PAF1: variants seen among roughly 807,000 people sequenced by gnomAD.
PAF1 encodes the protein RNA polymerase II-associated factor 1 homolog.
In PAF1, 31 loss-of-function variants were observed where a neutral mutation model predicts 68.4. The ratio of observed to expected loss-of-function variants is 0.45; its 90% CI spans 0.34 to 0.61. The LOEUF (loss-of-function observed/expected upper bound fraction) is 0.61. PAF1 is among the 20% of genes least tolerant of loss of function. The pLI is 0.01. For missense variants in PAF1, 435 were observed against 692.9 expected (o/e 0.63, Z 4.18); for synonymous variants, 256 against 240.5 (o/e 1.06, Z -0.60).
At position 39,390,155 on chromosome 19, in the gene PAF1, T is replaced by A. The variant is rs748604084; in HGVS notation, c.84A>T (p.Gly28=). 2.5e-6 allele frequency: 4 copies of A among 1,613,760 alleles called. No homozygotes were observed. The East Asian group carries it at 8.9e-5, about 36-fold the overall frequency. ...TGCAGTACTTGACTCGGCAGACCAC[T>A]CCAGACCTAGGAACATTAGTGGCTC... is the stretch of plus-strand genomic sequence containing the variant. ...NSHRTLPERS[G]VVCRVKYCNS... is the part of the protein sequence containing the mutation. The change falls in exon 3 of 14, where the codon GGA becomes GGT. Residue 28 remains glycine, a synonymous_variant. Transcript: ENST00000221265.
In PAF1 at chr19:39,385,671, GA is replaced by G. The variant is rs961330342; in HGVS notation, c.*319del. On this transcript the variant is annotated 3_prime_UTR_variant, in exon 14 of 14. Transcript: ENST00000221265. ...TGTTTAATGGTCTGGGCTTATTTTGGAAAAAAAAAAAACAAACAAAAAAAAC... is the reference window on the plus strand; with the variant it reads ...TGTTTAATGGTCTGGGCTTATTTTGGAAAAAAAAAAACAAACAAAAAAAAC... 4,552 of 428,304 alleles carry G rather than the reference GA, an allele frequency of 0.011. No individual in the cohort carries two copies. The highest frequency in any genetic ancestry group is 0.023 in the South Asian group (639 of 28,156). 26.5% of individuals were successfully genotyped at this position (428,304 alleles called of 1,614,324 possible).
chr19:39,389,098 T>G lies in PAF1; in HGVS notation c.562A>C (p.Lys188Gln). 6.2e-7 allele frequency: 1 copy of G among 1,613,624 alleles called. No homozygotes were observed. The highest frequency in any genetic ancestry group is 1.1e-5 in the South Asian group (1 of 91,076). The change falls in exon 7 of 14, where the codon AAA becomes CAA. Residue 188 changes from lysine to glutamine, a missense_variant. Lys to Gln is a moderately conservative substitution (Grantham distance 53). Around this residue, in one of 7 missense-constraint regions of PAF1, gnomAD observed 151 missense variants for 306.3 expected, o/e 0.49. Transcript: ENST00000221265. This position sits in a 1 kb window ranked among gnomAD's most constrained non-coding sequence, Gnocchi z 5.3. Reference protein sequence around the residue: ...AIEKTFEDAQKSISQHYSKPR... With the variant: ...AIEKTFEDAQQSISQHYSKPR... ...CATCCCAGTCCCTCAATTACTGATT[T>G]CTGGGCATCCTCAAAAGTCTTCTCA...
chr19:39,390,390 ATGC>A (rs2078353535), intron 1 of PAF1, 101 bp from the exon 2 acceptor site: 1 of 1,130,006 alleles, frequency 8.8e-7, no homozygotes, highest in Non-Finnish European at 1.3e-6. Context: ...GGGGTGACAA[ATGC>A]TGGTTTCTTT....
Position 39,390,275 on chromosome 19 carries a change from C to T in PAF1, c.62G>A (p.Arg21Gln), listed in dbSNP as rs1233362615. Residue 21 changes from arginine (R) to glutamine (Q), a missense_variant, in exon 2 of 14, where the codon CGG becomes CAG. By Grantham distance (43) the Arg-to-Gln change is conservative. Coordinates refer to ENST00000221265, the MANE Select transcript of PAF1 (RefSeq NM_019088.4). ...TGGGGCTCACCTCTCAGGCAGAGTC[C>T]GGTGGGAATTGGGCCTAGTGGAGAA... Reference protein sequence around the residue: ...REDGHRPNSHRTLPERSGVVC... With the variant: ...REDGHRPNSHQTLPERSGVVC... The T allele has an allele frequency of 1.9e-6, 3 of 1,613,128 alleles. No homozygotes were observed. The highest frequency in any genetic ancestry group is 2.7e-5 in the African/African-American group (2 of 74,872).
chr19:39,390,666 G>A, intron 1 of PAF1, 152 bp downstream of exon 1: 1 of 792,478 alleles, frequency 1.3e-6, no homozygotes, highest in Non-Finnish European at 2.1e-6. Context: ...CGGGGAGGAG[G>A]GGAACACCTG....
chr19:39,390,963 C>T lies in PAF1; in HGVS notation c.-99G>A, dbSNP rs749121795. The T allele has an allele frequency of 1.8e-4, 223 of 1,229,268 alleles. No homozygotes were observed. The highest frequency in any genetic ancestry group is 2.3e-4 in the Non-Finnish European group (207 of 882,266). The allele number at this position is 1,229,268 out of a possible 1,614,324, so 76.1% of individuals were successfully genotyped here. A position where few individuals can be genotyped will look rare whatever the true frequency, so the allele number is the denominator to read the frequency against. On this transcript the variant is annotated 5_prime_UTR_variant, in exon 1 of 14. Coordinates refer to ENST00000221265, the MANE Select transcript of PAF1 (RefSeq NM_019088.4). ...CAGGGGACGCCTGATCCGAGGAAGGCCCAGCTTGGCGCCGCTCCCCGCGGA... is the reference window on the plus strand; with the variant it reads ...CAGGGGACGCCTGATCCGAGGAAGGTCCAGCTTGGCGCCGCTCCCCGCGGA...
At chr19:39,387,895 T>C (rs1184153827) in intron 11 of PAF1, among the ~76,000 whole-genome samples, 1 of 152,162 alleles carries the variant, frequency 6.6e-6, no homozygotes, top group Non-Finnish European at 1.5e-5. Flanking sequence ...CCCAGCACTT[T>C]GGGAGGCCGA....
Position 39,388,992 on chromosome 19 carries a change from G to A in PAF1, c.591C>T (p.Pro197=). ...GCATGACCTCCACCGGTGTGACTCG[G>A]GGTTTGCTGTAATGCTGTGAGATCT... is the stretch of plus-strand genomic sequence containing the variant. ...QKSISQHYSK[P]RVTPVEVMPV... The change falls in exon 8 of 14, where the codon CCC becomes CCT. Residue 197 remains proline (P), a synonymous_variant. Transcript: ENST00000221265. 6.2e-7 allele frequency: 1 copy of A among 1,614,168 alleles called. No individual in the cohort carries two copies. Among genetic ancestry groups the A allele is most frequent in the Non-Finnish European group, 8.5e-7 (1 of 1,180,022 alleles).
In PAF1 at chr19:39,386,135, G is replaced by A. The variant is rs777296344; in HGVS notation, c.1452C>T (p.Ser484=). Residue 484 remains serine, a synonymous_variant, in exon 14 of 14, where the codon AGC becomes AGT. Coordinates refer to ENST00000221265, the MANE Select transcript of PAF1 (RefSeq NM_019088.4). This position sits in a 1 kb window ranked among gnomAD's most constrained non-coding sequence, Gnocchi z 6.1. The part of the protein sequence containing the change: ...AQGGSDNDSD[S]GSNGGGQRSR... ...TCCGCTGGCCACCCCCATTGCTGCC[G>A]CTGTCTGAATCATTGTCACTGCCAC... 100 of 1,613,956 alleles carry A rather than the reference G, an allele frequency of 6.2e-5. No individual in the cohort carries two copies. Among genetic ancestry groups the A allele is most frequent in the East Asian group, 1.8e-4 (8 of 44,898 alleles).
chr19:39,387,066 G>A (rs1356277701), intron 11 of PAF1: 3 of 548,310 alleles, frequency 5.5e-6, no homozygotes, highest in African/African-American at 3.8e-5. Flanking sequence ...TACGGGCATG[G>A]GCCATTTAAC....
At position 39,389,467 on chromosome 19, in the gene PAF1, G is replaced by A. The variant is rs1568374826; in HGVS notation, c.359+13C>T. 1.2e-6 allele frequency: 2 copies of A among 1,613,830 alleles called. No individual in the cohort carries two copies. Among genetic ancestry groups the A allele is most frequent in the Non-Finnish European group, 1.7e-6 (2 of 1,179,732 alleles). The stretch of plus-strand genomic sequence containing the variant: ...CTGAGCCAGTCTCCAGTACCCATTT[G>A]CTACCCACTCACCTCTTGGAGCTGG... On this transcript the variant is annotated intron_variant, in intron 5 of 13. Coordinates refer to ENST00000221265, the MANE Select transcript of PAF1 (RefSeq NM_019088.4). The surrounding 1 kb of genome is among the most constrained non-coding windows in gnomAD (Gnocchi z 5.3).
rs2078306739 is a variant in PAF1, at chr19:39,388,673, G to A, written c.744C>T (p.Gly248=). 6.2e-7 allele frequency: 1 copy of A among 1,613,618 alleles called. No homozygotes were observed. The highest frequency in any genetic ancestry group is 1.1e-5 in the South Asian group (1 of 91,082). The change falls in exon 10 of 14, where the codon GGC becomes GGT. Residue 248 remains glycine, a synonymous_variant. Transcript: ENST00000221265. ...ACTGGTTCCCTTCCTCATCCATCAT[G>A]CCCCTGGTTGGGGGAAAAGGAGTAG... ...LEMMSQAMIR[G]MMDEEGNQFV...
Position 39,385,941 on chromosome 19 carries a change from T to C in PAF1, c.*50A>G. 2.5e-6 allele frequency: 4 copies of C among 1,605,408 alleles called. No individual in the cohort carries two copies. The highest frequency in any genetic ancestry group is 3.4e-6 in the Non-Finnish European group (4 of 1,177,598). On this transcript the variant is annotated 3_prime_UTR_variant, in exon 14 of 14. Transcript: ENST00000221265. ...CACAAACAGACCACTAGAAAAGTGC[T>C]TTGCTGCTCACAATAATGGTGTCTG...
intron 11 of PAF1, among the ~76,000 whole-genome samples, chr19:39,388,096 ACAC>A (rs1384716754): frequency 6.6e-6 from 1 of 152,204 alleles, no homozygotes; most frequent in Admixed American, 6.5e-5. Context: ...GGCTGAGATC[ACAC>A]CACTGCACTC....
Position 39,388,754 on chromosome 19 carries a change from C to T in PAF1, c.740+8G>A. On this transcript the variant is annotated splice_region_variant and intron_variant, in intron 9 of 13. Transcript: ENST00000221265. The stretch of plus-strand genomic sequence containing the variant: ...GAGCAGGCCAAGGTGGACAGCAGGA[C>T]CACCTACCTAATCATGGCCTGAGAC... The T allele has an allele frequency of 1.9e-6, 3 of 1,611,896 alleles. No individual in the cohort carries two copies. Among genetic ancestry groups the T allele is most frequent in the Non-Finnish European group, 2.5e-6 (3 of 1,177,926 alleles).
At chr19:39,387,154 C>A in intron 11 of PAF1, 2 of 428,860 alleles carry the variant, frequency 4.7e-6, no homozygotes, top group Non-Finnish European at 4.5e-6. Context: ...TAGCCTACTA[C>A]ATACCTAGGC....
rs1281558771 is a variant in PAF1, at chr19:39,390,890, C to G, written c.-26G>C. Reference sequence around the variant, plus strand: ...AGCGACGAGGCGACGGCAGCCCGGACGGGGTCCTAGCGGGACCGAAGGGGG... The same window carrying G: ...AGCGACGAGGCGACGGCAGCCCGGAGGGGGTCCTAGCGGGACCGAAGGGGG... On this transcript the variant is annotated 5_prime_UTR_variant, in exon 1 of 14. Transcript: ENST00000221265. 1 of 1,568,624 alleles carries G rather than the reference C, an allele frequency of 6.4e-7. No individual in the cohort carries two copies. Among genetic ancestry groups the G allele is most frequent in the East Asian group, 2.4e-5 (1 of 42,482 alleles).
rs1356339902 is a variant in PAF1 at position 39,385,896 on chromosome 19, GAACA to G, written c.*91_*94del. The G allele has an allele frequency of 2.6e-6, 4 of 1,535,780 alleles. No individual in the cohort carries two copies. Among genetic ancestry groups the G allele is most frequent in the Middle Eastern group, 1.7e-4 (1 of 5,924 alleles). On this transcript the variant is annotated 3_prime_UTR_variant, in exon 14 of 14. Coordinates refer to ENST00000221265, the MANE Select transcript of PAF1 (RefSeq NM_019088.4). The stretch of plus-strand genomic sequence containing the variant: ...TTAACAGCAAAGGTTTGGGGGTGGG[GAACA>G]AACAAGTGAAAGGCTCACAAACAGA...
At chr19:39,390,561 A>G (rs1257994099) in intron 1 of PAF1, among the ~76,000 whole-genome samples, 3 of 152,156 alleles carry the variant, frequency 2.0e-5, no homozygotes, top group African/African-American at 4.8e-5. Context: ...AGAACCATGT[A>G]CTCAATCGTC....
Sources: gnomAD v4.1 joint callset for allele counts (sites outside exome capture counted in the v4.1 genomes callset) on GRCh38, gnomAD v4.1.1 for gene constraint, gnomAD v4.1.1 regional missense constraint, Gnocchi (gnomAD v3.1) non-coding constraint, MANE v1.5 for transcripts, NCBI Gene and HGNC (gene_info 2026-07-23, HGNC 2026-07-21) for gene names.